Variants in RASGRP3 observed in about 807,000 individuals in gnomAD.
RASGRP3 encodes the protein RAS guanyl releasing protein 3, also known as ras guanyl-releasing protein 3.
In RASGRP3, 54 loss-of-function variants were observed where a neutral mutation model predicts 82.7. That is an observed-to-expected ratio of 0.65 (90% confidence interval 0.52 to 0.82). The LOEUF (loss-of-function observed/expected upper bound fraction) is 0.82. Ranked by LOEUF, RASGRP3 falls within the 40% of genes least tolerant of loss-of-function variation. The pLI is 0.00. For missense variants in RASGRP3, 861 were observed against 828.9 expected (o/e 1.04, Z -0.48); for synonymous variants, 309 against 300.5 (o/e 1.03, Z -0.29).
In RASGRP3 at chr2:33,522,925, C is replaced by T. The variant is rs113293553; in HGVS notation, c.516+823C>T. Among the ~76,000 whole-genome samples the T allele has an allele frequency of 4.3e-3, 652 of 152,270 alleles. 6 individuals are homozygous for T. The highest frequency in any genetic ancestry group is 0.015 in the African/African-American group (606 of 41,558). On this transcript the variant is annotated intron_variant, in intron 7 of 17. Transcript: ENST00000403687. The stretch of plus-strand genomic sequence containing the variant: ...TTCCCCACAGGCAGGCCATGGGAGT[C>T]CCCTGCACAGTTTATATGATAGAAA...
chr2:33,522,126 TC>T (rs1402549006), intron 7 of RASGRP3, 24 bp downstream of exon 7: 2 of 1,590,046 alleles, frequency 1.3e-6, no homozygotes, highest in Admixed American at 1.8e-5. Flanking sequence ...CATTTATTCT[TC>T]CAAGGATAAC....
intron 1 of RASGRP3, among the ~76,000 whole-genome samples, chr2:33,497,099 T>G (rs1192086941): frequency 6.6e-6 from 1 of 152,212 alleles, no homozygotes; most frequent in Admixed American, 6.5e-5. Flanking sequence ...TTAATTTGTA[T>G]TTTTCTGTTT....
chr2:33,545,844 G>A (rs565666253), intron 13 of RASGRP3, among the ~76,000 whole-genome samples: 22 of 152,136 alleles, frequency 1.4e-4, no homozygotes, highest in African/African-American at 4.6e-4. Flanking sequence ...TCGTTCTTTT[G>A]CCCAAGCTGG....
At chr2:33,510,324 C>T (rs116769299) in intron 1 of RASGRP3, among the ~76,000 whole-genome samples, 7,082 of 152,240 alleles carry the variant, frequency 0.047, 215 homozygotes, top group Middle Eastern at 0.11. Flanking sequence ...CAATATTTCA[C>T]CTTATAAATC....
intron 1 of RASGRP3, among the ~76,000 whole-genome samples, chr2:33,498,628 G>A: frequency 6.6e-6 from 1 of 152,146 alleles, no homozygotes; most frequent in Non-Finnish European, 1.5e-5. Flanking sequence ...CATCCTCTGA[G>A]CATTCCTGAT....
At chr2:33,503,200 C>T (rs1670042507) in intron 1 of RASGRP3, among the ~76,000 whole-genome samples, 1 of 152,140 alleles carries the variant, frequency 6.6e-6, no homozygotes, top group Non-Finnish European at 1.5e-5. Flanking sequence ...GCTCTTAAAA[C>T]ATTTTTGAAA....
At chr2:33,441,322 A>T (rs377188475) in intron 1 of RASGRP3, among the ~76,000 whole-genome samples, 1 of 152,114 alleles carries the variant, frequency 6.6e-6, no homozygotes, top group Non-Finnish European at 1.5e-5. Flanking sequence ...GGGTTTAAAA[A>T]ATATTCCACA....
chr2:33,507,719 T>G (rs903419466), intron 1 of RASGRP3, among the ~76,000 whole-genome samples: 4 of 152,014 alleles, frequency 2.6e-5, no homozygotes. Context: ...AGAGATGGGG[T>G]TTCACCATGT....
At position 33,469,188 on chromosome 2, in the gene RASGRP3, A is replaced by G. The variant is rs73926667; in HGVS notation, c.-261+21245A>G. Among the ~76,000 whole-genome samples, 695 of 152,206 alleles carry G rather than the reference A, an allele frequency of 4.6e-3. 4 individuals are homozygous for G. The highest frequency in any genetic ancestry group is 0.016 in the African/African-American group (661 of 41,506). On this transcript the variant is annotated intron_variant, in intron 2 of 18. Coordinates refer to the RASGRP3 transcript ENST00000402538. ...ATTAATATCCAGTTGTTAATTGTAAATGCTATTTATATGTTAAGACCATTA... is the reference window on the plus strand; with the variant it reads ...ATTAATATCCAGTTGTTAATTGTAAGTGCTATTTATATGTTAAGACCATTA...
Position 33,558,786 on chromosome 2 carries a change from G to A in RASGRP3, c.1820G>A (p.Arg607Lys), listed in dbSNP as rs1478230710. The change falls in exon 17 of 18, where the codon AGG becomes AAG. Residue 607 changes from arginine to lysine, a missense_variant. Arg to Lys is a conservative substitution (Grantham distance 26). Transcript: ENST00000403687. ...SSRKISVRLQ[R>K]ATTSQATQTE... is the part of the protein sequence containing the mutation. ...CGCAAGATCTCTGTGAGGCTACAGA[G>A]GGCCACCACCAGCCAGGCCACCCAG... is the stretch of plus-strand genomic sequence containing the variant. The A allele has an allele frequency of 6.2e-7, 1 of 1,613,858 alleles. No individual in the cohort carries two copies. Among genetic ancestry groups the A allele is most frequent in the African/African-American group, 1.3e-5 (1 of 74,910 alleles).
chr2:33,498,269 C>T (rs948296163), intron 1 of RASGRP3, among the ~76,000 whole-genome samples: 5 of 152,136 alleles, frequency 3.3e-5, no homozygotes, highest in African/African-American at 1.2e-4. Flanking sequence ...ACAACACAGA[C>T]ATTATTATTA....
At position 33,558,816 on chromosome 2, in the gene RASGRP3, A is replaced by G. The variant is rs1272745783; in HGVS notation, c.1850A>G (p.Glu617Gly). ...RATTSQATQT[E>G]PVWSEAGWGD... Reference sequence around the variant, plus strand: ...ACCACCAGCCAGGCCACCCAGACTGAACCTGTCTGGTCAGAGGCTGGCTGG... The same window carrying G: ...ACCACCAGCCAGGCCACCCAGACTGGACCTGTCTGGTCAGAGGCTGGCTGG... Residue 617 changes from glutamate to glycine, a missense_variant, in exon 17 of 18, where the codon GAA (glutamate) becomes GGA (glycine). Transcript: ENST00000403687. 1.9e-6 allele frequency: 3 copies of G among 1,614,022 alleles called. No individual in the cohort carries two copies. The East Asian group carries it at 6.7e-5, about 36-fold the overall frequency.
At chr2:33,477,986 C>T (rs73926677) in intron 1 of RASGRP3, among the ~76,000 whole-genome samples, 2,410 of 152,228 alleles carry the variant, frequency 0.016, 57 homozygotes, top group African/African-American at 0.054. Context: ...TCAAGCTATA[C>T]GGTTTTCTTT....
intron 1 of RASGRP3, among the ~76,000 whole-genome samples, chr2:33,442,469 A>G (rs772003822): frequency 6.6e-6 from 1 of 152,222 alleles, no homozygotes; most frequent in Non-Finnish European, 1.5e-5. Context: ...AAAACCCAGT[A>G]TGTTTTCAAA....
chr2:33,453,843 T>C (rs1451937532), intron 2 of RASGRP3, among the ~76,000 whole-genome samples: 1 of 152,252 alleles, frequency 6.6e-6, no homozygotes, highest in Non-Finnish European at 1.5e-5. Context: ...AAAAGTTTTT[T>C]ATGATAAACA....
chr2:33,559,498 T>C (rs573913496), intron 17 of RASGRP3: 35 of 393,010 alleles, frequency 8.9e-5, no homozygotes, highest in Non-Finnish European at 2.5e-5. Context: ...AAGGGGGTGG[T>C]GAGAATCAGA....
rs573643428 is a variant in RASGRP3 at position 33,536,952 on chromosome 2, G to A, written c.1162-2142G>A. 2.0e-5 allele frequency among the ~76,000 whole-genome samples: 3 copies of A among 152,266 alleles called. No homozygotes were observed. In the East Asian group the frequency reaches 5.8e-4, roughly 29 times the overall value. ...CTTTTAGCAGTTGCTGTCCATGGAT[G>A]GCTAAGTCTTAACCAGCTCAGTGGA... is the stretch of plus-strand genomic sequence containing the variant. On this transcript the variant is annotated intron_variant, in intron 11 of 17. Transcript: ENST00000403687.
At chr2:33,438,243 G>A (rs968667809) in intron 1 of RASGRP3, among the ~76,000 whole-genome samples, 1 of 152,208 alleles carries the variant, frequency 6.6e-6, no homozygotes. Flanking sequence ...CTGGTCATTG[G>A]TTTCCAGATG....
At chr2:33,492,334 G>A (rs1216449545) in intron 1 of RASGRP3, among the ~76,000 whole-genome samples, 1 of 152,150 alleles carries the variant, frequency 6.6e-6, no homozygotes, top group Non-Finnish European at 1.5e-5. Context: ...AGCCCCCAAG[G>A]AAGGCTATGG....
Sources: allele counts gnomAD v4.1 joint callset (sites outside exome capture counted in the v4.1 genomes callset), GRCh38; gene constraint gnomAD v4.1.1; transcripts MANE v1.5; gene names NCBI Gene and HGNC (gene_info 2026-07-23, HGNC 2026-07-21).